DOCK1: variants seen among roughly 807,000 people sequenced by gnomAD.
The protein encoded by DOCK1 is dedicator of cytokinesis 1, also known as dedicator of cytokinesis protein 1.
In DOCK1, 138 loss-of-function variants were observed where a neutral mutation model predicts 262.7. That is an observed-to-expected ratio of 0.53 (90% CI 0.46 to 0.61). The LOEUF (loss-of-function observed/expected upper bound fraction) is 0.61, where lower values mean the gene tolerates loss of function less well. DOCK1 is among the 20% of genes least tolerant of loss of function. The probability of loss-of-function intolerance (pLI) is 0.00; values close to 1 mark genes in which losing one functional copy is unlikely to be tolerated. For missense variants in DOCK1, 1,908 were observed against 2,370.7 expected (o/e 0.80, Z 4.05); for synonymous variants, 866 against 867.4 (o/e 1.00, Z 0.03).
intron 27 of DOCK1, among the ~76,000 whole-genome samples, chr10:127,186,938 G>C (rs538705865): frequency 6.6e-6 from 1 of 152,232 alleles, no homozygotes; most frequent in Admixed American, 6.5e-5. Context: ...GACATCTGTG[G>C]GCTGTTCCTT....
At chr10:127,021,878 T>G (rs2042450664) in intron 13 of DOCK1, among the ~76,000 whole-genome samples, 1 of 152,144 alleles carries the variant, frequency 6.6e-6, no homozygotes. Context: ...AGAGAGTTAT[T>G]TTCCTTAAGG....
intron 43 of DOCK1, among the ~76,000 whole-genome samples, chr10:127,413,721 TGA>T (rs1449244585): frequency 6.6e-6 from 1 of 152,050 alleles, no homozygotes; most frequent in African/African-American, 2.4e-5. Flanking sequence ...GAGGTGGATG[TGA>T]GAGGGCCAGA....
intron 33 of DOCK1, among the ~76,000 whole-genome samples, chr10:127,369,079 A>G (rs1333901542): frequency 1.3e-5 from 2 of 152,186 alleles, no homozygotes; most frequent in South Asian, 2.1e-4. Context: ...TCTTTGTGTC[A>G]TCAGTGTTGC....
At chr10:127,315,823 C>T (rs1438277683) in intron 29 of DOCK1, among the ~76,000 whole-genome samples, 1 of 152,096 alleles carries the variant, frequency 6.6e-6, no homozygotes, top group African/African-American at 2.4e-5. Context: ...CTCAGCCTAC[C>T]GAGTAGCTGG....
intron 35 of DOCK1, 51 bp downstream of exon 35, chr10:127,374,265 C>G (rs2065361972): frequency 6.4e-7 from 1 of 1,557,508 alleles, no homozygotes; most frequent in Admixed American, 2.0e-5. Context: ...ACACCAGAAA[C>G]TGAAGCGGGG....
At chr10:127,386,740 A>G (rs1202399720) in intron 38 of DOCK1, among the ~76,000 whole-genome samples, 1 of 152,138 alleles carries the variant, frequency 6.6e-6, no homozygotes, top group African/African-American at 2.4e-5. Flanking sequence ...CGATCAATGT[A>G]ATGCCCGTGA....
At chr10:127,122,631 T>C (rs986389723) in intron 25 of DOCK1, among the ~76,000 whole-genome samples, 5 of 144,014 alleles carry the variant, frequency 3.5e-5, no homozygotes, top group African/African-American at 1.3e-4. Flanking sequence ...TTATAACAAT[T>C]TTTTTTTTTT....
chr10:127,257,390 AC>A lies in DOCK1; in HGVS notation c.3009del (p.Phe1004SerfsTer4). On this transcript the variant is annotated frameshift_variant, in exon 29 of 52. Coordinates refer to ENST00000623213, the MANE Select transcript of DOCK1 (RefSeq NM_001290223.2). LOFTEE classifies it high-confidence loss of function. ...AAGAACCTCATTGGAAAGAACGTTT[AC>A]CCCTTCGACTGGGTGATCATGAACA... ...MFKNLIGKNV[Y>X]PFDWVIMNMV... 6.2e-7 allele frequency: 1 copy of A among 1,607,440 alleles called. No individual in the cohort carries two copies. The highest frequency in any genetic ancestry group is 8.5e-7 in the Non-Finnish European group (1 of 1,176,524).
intron 23 of DOCK1, among the ~76,000 whole-genome samples, chr10:127,079,718 G>A (rs2046790021): frequency 6.6e-6 from 1 of 152,164 alleles, no homozygotes; most frequent in African/African-American, 2.4e-5. Flanking sequence ...ATCACCTGAG[G>A]TCAGGAGTTC....
At chr10:127,285,791 C>A (rs575092757) in intron 29 of DOCK1, among the ~76,000 whole-genome samples, 49 of 152,330 alleles carry the variant, frequency 3.2e-4, no homozygotes, top group African/African-American at 1.1e-3. Flanking sequence ...CTTCCACAGT[C>A]TAACCCTCCT....
At chr10:127,009,588 G>A (rs1052911990) in intron 11 of DOCK1, among the ~76,000 whole-genome samples, 1 of 152,144 alleles carries the variant, frequency 6.6e-6, no homozygotes, top group Non-Finnish European at 1.5e-5. Flanking sequence ...GCGTGGGGTT[G>A]GGTGGCGATG....
chr10:127,189,610 C>T (rs1442165969), intron 27 of DOCK1, among the ~76,000 whole-genome samples: 2 of 152,370 alleles, frequency 1.3e-5, no homozygotes, highest in East Asian at 1.9e-4. Flanking sequence ...ACTGAGCTAA[C>T]AACTACCTTT....
chr10:127,287,566 C>T (rs1367198962), intron 29 of DOCK1, among the ~76,000 whole-genome samples: 1 of 152,138 alleles, frequency 6.6e-6, no homozygotes, highest in Non-Finnish European at 1.5e-5. Context: ...CTGGATTTTG[C>T]AGATTGAATC....
chr10:127,205,070 CA>C (rs1236787098), intron 27 of DOCK1, among the ~76,000 whole-genome samples: 1 of 151,764 alleles, frequency 6.6e-6, no homozygotes, highest in East Asian at 1.9e-4. Flanking sequence ...TCTCTGAACC[CA>C]AATATGACAA....
rs1382507298 is a variant in DOCK1 at position 127,175,244 on chromosome 10, C to A, written c.2847+47480C>A. The A allele has an allele frequency of 6.2e-7, 1 of 1,613,778 alleles. No homozygotes were observed. Among genetic ancestry groups the A allele is most frequent in the East Asian group, 2.2e-5 (1 of 44,868 alleles). On this transcript the variant is annotated intron_variant, in intron 27 of 51. Transcript: ENST00000623213. This position sits in a 1 kb window ranked among gnomAD's most constrained non-coding sequence, Gnocchi z 6.3. ...GATGGGCCTCTCCTTTTTCCAACTCCTGAATGACCCCCAAGAGCACTTTGA... is the reference window on the plus strand; with the variant it reads ...GATGGGCCTCTCCTTTTTCCAACTCATGAATGACCCCCAAGAGCACTTTGA...
chr10:127,009,516 A>C (rs2135277035), intron 11 of DOCK1, among the ~76,000 whole-genome samples: 1 of 152,234 alleles, frequency 6.6e-6, no homozygotes, highest in Admixed American at 6.5e-5. Context: ...CTCCTCACAG[A>C]GGAGGAGAGA....
intron 1 of DOCK1, among the ~76,000 whole-genome samples, chr10:126,943,691 G>A (rs1451039625): frequency 6.6e-6 from 1 of 152,142 alleles, no homozygotes; most frequent in Non-Finnish European, 1.5e-5. Flanking sequence ...AGCTGTGAAT[G>A]GTAGGAGGGA....
intron 13 of DOCK1, among the ~76,000 whole-genome samples, chr10:127,020,581 A>C (rs1564737635): frequency 6.6e-6 from 1 of 151,922 alleles, no homozygotes; most frequent in Non-Finnish European, 1.5e-5. Context: ...AAAAAAAAAA[A>C]CTAAGTCTAA....
At chr10:126,925,724 CTGTGTGTGTGTGTGTGTGTGTG>C (rs71032531) in intron 1 of DOCK1, among the ~76,000 whole-genome samples, 4 of 141,320 alleles carry the variant, frequency 2.8e-5, no homozygotes, top group Middle Eastern at 3.6e-3. Flanking sequence ...ATTGCAGAGT[CTGTGTGTGTGTGTGTGTGTGTG>C]TGTGTGTGTG....
Sources: gnomAD v4.1 joint callset for allele counts (sites outside exome capture counted in the v4.1 genomes callset) on GRCh38, gnomAD v4.1.1 for gene constraint, Gnocchi (gnomAD v3.1) non-coding constraint, MANE v1.5 for transcripts, NCBI Gene and HGNC (gene_info 2026-07-23, HGNC 2026-07-21) for gene names.